Variants in TOX3 observed in about 807,000 individuals in gnomAD.
The protein encoded by TOX3 is TOX high mobility group box family member 3.
In TOX3, 22 loss-of-function variants were observed where a neutral mutation model predicts 64.3. The ratio of observed to expected loss-of-function variants is 0.34; its 90% CI spans 0.24 to 0.49. The LOEUF is 0.49. TOX3 is among the 20% of genes least tolerant of loss of function. TOX3 has a pLI of 0.99. For synonymous variants in TOX3, 291 were observed against 273.6 expected, an observed-to-expected ratio of 1.06 and a Z score of -0.63; for missense variants, 661 against 714.4, an observed-to-expected ratio of 0.93 and a Z score of 0.85.
Position 52,446,094 on chromosome 16 carries a change from G to A in TOX3, c.806C>T (p.Thr269Ile). 2.5e-6 allele frequency: 4 copies of A among 1,613,944 alleles called. No individual in the cohort carries two copies. The highest frequency in any genetic ancestry group is 2.5e-6 in the Non-Finnish European group (3 of 1,179,842). ...VSAYALFFRDTQAAIKGQNPN... is the reference protein window; with the variant it reads ...VSAYALFFRDIQAAIKGQNPN... ...GTTTTGACCTTTAATTGCAGCCTGT[G>A]TGTCTCTGAAAAACAGGGCATATGC... Residue 269 changes from threonine to isoleucine, a missense_variant, in exon 5 of 7, where the codon ACA becomes ATA. By Grantham distance (89) the Thr-to-Ile change is moderately conservative. This residue lies in a region of TOX3 where 103 missense variants were observed against 161.2 expected (regional missense o/e 0.64). Coordinates refer to ENST00000219746, the MANE Select transcript of TOX3 (RefSeq NM_001080430.4).
intron 2 of TOX3, among the ~76,000 whole-genome samples, chr16:52,468,244 C>A (rs1179547587): frequency 6.6e-6 from 1 of 152,072 alleles, no homozygotes; most frequent in Non-Finnish European, 1.5e-5. Context: ...AACATACATT[C>A]TTATATATTT....
At chr16:52,482,016 T>C (rs1338703074) in intron 1 of TOX3, among the ~76,000 whole-genome samples, 2 of 152,186 alleles carry the variant, frequency 1.3e-5, no homozygotes, top group Non-Finnish European at 1.5e-5. Context: ...TTATATCTTA[T>C]ATTTATTTTA....
In TOX3 at chr16:52,436,450, T is replaced by C. The variant is rs1959757836; in HGVS notation, c.*2775A>G. 6.6e-6 allele frequency among the ~76,000 whole-genome samples: 1 copy of C among 152,042 alleles called. No homozygotes were observed. The highest frequency in any genetic ancestry group is 1.5e-5 in the Non-Finnish European group (1 of 68,006). ...ATTATCCTGATTTATTTCTGACCTG[T>C]AACAAAAGAAAAAGCGCACCAAGTA... On this transcript the variant is annotated 3_prime_UTR_variant, in exon 7 of 7. Coordinates refer to ENST00000219746, the MANE Select transcript of TOX3 (RefSeq NM_001080430.4).
chr16:52,502,007 A>G (rs1241628411), intron 1 of TOX3, among the ~76,000 whole-genome samples: 2 of 152,172 alleles, frequency 1.3e-5, no homozygotes, highest in Non-Finnish European at 2.9e-5. Context: ...CCGCAAGTAA[A>G]ACTTGAGCCA....
intron 1 of TOX3, among the ~76,000 whole-genome samples, chr16:52,495,709 T>G (rs532548753): frequency 6.6e-6 from 1 of 152,116 alleles, no homozygotes; most frequent in Non-Finnish European, 1.5e-5. Flanking sequence ...CTTTCCAGAG[T>G]ACAGTTAACA....
intron 1 of TOX3, among the ~76,000 whole-genome samples, chr16:52,515,185 TA>T (rs11415785): frequency 0.17 from 24,102 of 138,418 alleles, 2,223 homozygotes; most frequent in Middle Eastern, 0.26. Flanking sequence ...CTATGAATGT[TA>T]AAAAAAAAAA....
intron 3 of TOX3, among the ~76,000 whole-genome samples, chr16:52,453,327 G>A (rs1960414240): frequency 6.6e-6 from 1 of 151,836 alleles, no homozygotes; most frequent in Non-Finnish European, 1.5e-5. Context: ...GAAATTACAG[G>A]CACGCACCAC....
At chr16:52,543,592 A>G (rs1420534) in intron 1 of TOX3, among the ~76,000 whole-genome samples, 24,708 of 152,220 alleles carry the variant, frequency 0.16, 2,304 homozygotes, top group Middle Eastern at 0.25. Flanking sequence ...TAACCACACC[A>G]GAAAAAGAAA....
At chr16:52,459,306 C>G (rs889944042) in intron 3 of TOX3, among the ~76,000 whole-genome samples, 6 of 151,882 alleles carry the variant, frequency 4.0e-5, no homozygotes, top group Non-Finnish European at 8.8e-5. Flanking sequence ...AAGATCCTCT[C>G]TCTAAAAAAT....
rs566903975 is a variant in TOX3, at chr16:52,487,655, A to G, written c.88-19081T>C. ...TAGGACAACAAAATGTATAAGCCCC[A>G]AACTACTGTTGTCCTGTATCTTTTC... On this transcript the variant is annotated intron_variant, in intron 1 of 6. Transcript: ENST00000219746. Among the ~76,000 whole-genome samples, 45 of 152,354 alleles carry G rather than the reference A, an allele frequency of 3.0e-4. No homozygotes were observed. The South Asian group carries it at 9.1e-3, about 31-fold the overall frequency.
Position 52,444,167 on chromosome 16 carries a change from A to G in TOX3, c.987+109T>C, listed in dbSNP as rs1960089956. 3.9e-6 allele frequency: 3 copies of G among 764,312 alleles called. No homozygotes were observed. In the East Asian group the frequency reaches 8.4e-5, roughly 21 times the overall value. The allele number at this position is 764,312 out of a possible 1,614,324, so 47.3% of individuals were successfully genotyped here. ...CGCCTAAGTTTACAAGTTGTTCAAG[A>G]TGCCTTTCCATCAACTTTTAGGGGA... On this transcript the variant is annotated intron_variant, in intron 6 of 6. Transcript: ENST00000219746.
At chr16:52,454,429 C>T (rs1960453514) in intron 3 of TOX3, among the ~76,000 whole-genome samples, 1 of 152,152 alleles carries the variant, frequency 6.6e-6, no homozygotes, top group Admixed American at 6.5e-5. Flanking sequence ...CTCTGACCCA[C>T]ATAATTGATG....
intron 2 of TOX3, among the ~76,000 whole-genome samples, chr16:52,465,080 TCTCGG>T (rs1960820010): frequency 7.5e-6 from 1 of 133,060 alleles, no homozygotes; most frequent in African/African-American, 2.9e-5. Flanking sequence ...AGTGGTGCCA[TCTCGG>T]CTCACTGCAA....
chr16:52,547,033 G>T lies in TOX3; in HGVS notation c.-310C>A. 1.2e-6 allele frequency: 1 copy of T among 836,580 alleles called. No individual in the cohort carries two copies. The highest frequency in any genetic ancestry group is 1.4e-6 in the Non-Finnish European group (1 of 696,312). 51.8% of individuals were successfully genotyped at this position (836,580 alleles called of 1,614,324 possible). On this transcript the variant is annotated 5_prime_UTR_variant, in exon 1 of 7. Coordinates refer to ENST00000219746, the MANE Select transcript of TOX3 (RefSeq NM_001080430.4). ...GGGCGCGGCGCTGGGGCCCGGGTCG[G>T]CGAGGCGAGTTCAGGTGCGCTGGGC...
At chr16:52,541,626 C>G (rs914012604) in intron 1 of TOX3, among the ~76,000 whole-genome samples, 1 of 152,236 alleles carries the variant, frequency 6.6e-6, no homozygotes, top group Non-Finnish European at 1.5e-5. Flanking sequence ...AGTGGATTCA[C>G]ATCCAGCTGA....
At chr16:52,470,421 G>C (rs1961008889) in intron 1 of TOX3, among the ~76,000 whole-genome samples, 1 of 152,048 alleles carries the variant, frequency 6.6e-6, no homozygotes, top group African/African-American at 2.4e-5. Context: ...AAAGCAAACA[G>C]CTCATTATCA....
intron 1 of TOX3, among the ~76,000 whole-genome samples, chr16:52,506,666 G>A (rs934191640): frequency 9.2e-5 from 14 of 152,148 alleles, no homozygotes; most frequent in African/African-American, 2.9e-4. Flanking sequence ...CTCTTTAGAG[G>A]CTACAGGAAG....
At chr16:52,492,564 A>AATATATATATATATATATATATAT (rs56848244) in intron 1 of TOX3, among the ~76,000 whole-genome samples, 23 of 90,676 alleles carry the variant, frequency 2.5e-4, no homozygotes, top group East Asian at 3.3e-4. Context: ...GTTGTATATA[A>AATATATATATATATATATATATAT]ATATATATAT....
At position 52,536,256 on chromosome 16, in the gene TOX3, G is replaced by C. The variant is rs1291575544; in HGVS notation, c.87+10381C>G. ...TACATGCTATGAACAAAATTATGAAGGTAGAGAGATATTAATTAGAGAGAT... is the reference window on the plus strand; with the variant it reads ...TACATGCTATGAACAAAATTATGAACGTAGAGAGATATTAATTAGAGAGAT... On this transcript the variant is annotated intron_variant, in intron 1 of 6. Coordinates refer to ENST00000219746, the MANE Select transcript of TOX3 (RefSeq NM_001080430.4). 2.0e-5 allele frequency among the ~76,000 whole-genome samples: 3 copies of C among 151,998 alleles called. No homozygotes were observed. The South Asian group carries it at 6.2e-4, about 31-fold the overall frequency.
Sources: gnomAD v4.1 joint callset for allele counts (sites outside exome capture counted in the v4.1 genomes callset) on GRCh38, gnomAD v4.1.1 for gene constraint, gnomAD v4.1.1 regional missense constraint, MANE v1.5 for transcripts, NCBI Gene and HGNC (gene_info 2026-07-23, HGNC 2026-07-21) for gene names.